LARP4: variants seen among roughly 807,000 people sequenced by gnomAD.
LARP4 encodes la-related protein 4.
A neutral mutation model predicts 92.9 loss-of-function variants in LARP4; 29 were observed. The observed-to-expected ratio is 0.31, with a 90% confidence interval of 0.23 to 0.43. LARP4 has a LOEUF of 0.43. Among genes scored for constraint, LARP4 ranks in the 20% least tolerant of loss-of-function variants. The probability of loss-of-function intolerance (pLI) is 1.00; values close to 1 mark genes in which losing one functional copy is unlikely to be tolerated. For missense variants in LARP4, 732 were observed against 860.0 expected, an observed-to-expected ratio of 0.85 and a Z score of 1.86; for synonymous variants, 279 against 284.1, an observed-to-expected ratio of 0.98 and a Z score of 0.18.
intron 8 of LARP4, among the ~76,000 whole-genome samples, chr12:50,444,338 T>A (rs926737344): frequency 1.3e-5 from 2 of 152,214 alleles, no homozygotes; most frequent in African/African-American, 4.8e-5. Flanking sequence ...CTATTGCTTT[T>A]GCTGGGGGTC....
At chr12:50,406,538 T>A (rs1944876227) in intron 1 of LARP4, among the ~76,000 whole-genome samples, 1 of 152,178 alleles carries the variant, frequency 6.6e-6, no homozygotes, top group Admixed American at 6.6e-5. Flanking sequence ...TCTCACTGTG[T>A]TGTCCAGGCT....
At chr12:50,432,800 C>T (rs576693584) in intron 4 of LARP4, among the ~76,000 whole-genome samples, 2 of 142,334 alleles carry the variant, frequency 1.4e-5, no homozygotes, top group East Asian at 4.0e-4. Flanking sequence ...GTGGAGGTTG[C>T]AGTGAGCCGA....
rs1354972869 is a variant in LARP4 at position 50,479,300 on chromosome 12, AAAGAT to A, written c.*3439_*3443del. The A allele has an allele frequency of 6.6e-6, 1 of 152,626 alleles. No individual in the cohort carries two copies. The highest frequency in any genetic ancestry group is 1.5e-5 in the Non-Finnish European group (1 of 68,034). The allele number at this position is 152,626 out of a possible 1,614,324, so 9.5% of individuals were successfully genotyped here. A position where few individuals can be genotyped will look rare whatever the true frequency, so the allele number is the denominator to read the frequency against. ...AAAGTACCAATTTTGTTTTTACAGA[AAAGAT>A]AAAACTCAAAAGAGAACAGTGTATT... On this transcript the variant is annotated 3_prime_UTR_variant, in exon 16 of 16. Coordinates refer to ENST00000398473, the MANE Select transcript of LARP4 (RefSeq NM_052879.5).
intron 3 of LARP4, among the ~76,000 whole-genome samples, chr12:50,429,887 C>T (rs989099009): frequency 6.6e-6 from 1 of 152,076 alleles, no homozygotes; most frequent in Non-Finnish European, 1.5e-5. Context: ...AATCCACCTG[C>T]CTTTGGCCTC....
At position 50,441,606 on chromosome 12, in the gene LARP4, G is replaced by A. The variant is rs375893849; in HGVS notation, c.767G>A (p.Arg256Lys). Reference protein sequence around the residue: ...TDAQQAFKYLREEVKTFQGKP... With the variant: ...TDAQQAFKYLKEEVKTFQGKP... Reference sequence around the variant, plus strand: ...TGTTAACAGGCTTTTAAATACTTAAGAGAAGAAGTTAAAACATTTCAGGGC... The same window carrying A: ...TGTTAACAGGCTTTTAAATACTTAAAAGAAGAAGTTAAAACATTTCAGGGC... Residue 256 changes from arginine to lysine, a missense_variant, in exon 8 of 16, where the codon AGA becomes AAA. Arg to Lys is a conservative substitution (Grantham distance 26, BLOSUM62 2). Transcript: ENST00000398473. 7.5e-6 allele frequency: 12 copies of A among 1,598,030 alleles called. No individual in the cohort carries two copies. The highest frequency in any genetic ancestry group is 1.0e-5 in the Non-Finnish European group (12 of 1,174,358).
chr12:50,473,159 G>A (rs1471112465), intron 13 of LARP4, among the ~76,000 whole-genome samples: 2 of 152,076 alleles, frequency 1.3e-5, no homozygotes, highest in Non-Finnish European at 2.9e-5. Flanking sequence ...GCTTTCTAAA[G>A]CAGTGCATCA....
In LARP4 at chr12:50,410,360, G is replaced by GCCACAACACCCAGTCTGTTAGACGT. The variant is rs1222119521; in HGVS notation, c.18+9334_18+9358dup. 7.5e-4 allele frequency among the ~76,000 whole-genome samples: 113 copies of GCCACAACACCCAGTCTGTTAGACGT among 150,524 alleles called. 2 individuals are homozygous for GCCACAACACCCAGTCTGTTAGACGT. Among genetic ancestry groups the GCCACAACACCCAGTCTGTTAGACGT allele is most frequent in the African/African-American group, 2.7e-3 (110 of 40,862 alleles). On this transcript the variant is annotated intron_variant, in intron 1 of 15. Coordinates refer to ENST00000398473, the MANE Select transcript of LARP4 (RefSeq NM_052879.5). Reference sequence around the variant, plus strand: ...AGTGCTGCGATTACAGGTGTGAGGAGCCACAACACCCAGTCTGTTAGACGT... The same window carrying GCCACAACACCCAGTCTGTTAGACGT: ...AGTGCTGCGATTACAGGTGTGAGGAGCCACAACACCCAGTCTGTTAGACGTCCACAACACCCAGTCTGTTAGACGT...
intron 15 of LARP4, 91 bp downstream of exon 15, chr12:50,474,258 AT>A (rs1957297509): frequency 9.0e-6 from 9 of 999,834 alleles, no homozygotes; most frequent in Non-Finnish European, 1.3e-5. Flanking sequence ...GAACAGAGTC[AT>A]TTGGAAGTAG....
rs1950643380 is a variant in LARP4, at chr12:50,437,716, C to T, written c.536-19C>T. On this transcript the variant is annotated intron_variant, in intron 5 of 15. Transcript: ENST00000398473. ...ACTACTTGTCACGTTTGAGTGATAC[C>T]CTTTCTTTTAAATTTCAGCTTCTCC... is the stretch of plus-strand genomic sequence containing the variant. The T allele has an allele frequency of 1.4e-6, 2 of 1,411,392 alleles. No homozygotes were observed. Among genetic ancestry groups the T allele is most frequent in the African/African-American group, 2.8e-5 (2 of 70,602 alleles). The allele number at this position is 1,411,392 out of a possible 1,614,324, so 87.4% of individuals were successfully genotyped here.
chr12:50,440,486 C>T lies in LARP4; in HGVS notation c.687C>T (p.Ser229=), dbSNP rs1262198925. The T allele has an allele frequency of 6.2e-7, 1 of 1,613,874 alleles. No individual in the cohort carries two copies. Among genetic ancestry groups the T allele is most frequent in the Non-Finnish European group, 8.5e-7 (1 of 1,179,902 alleles). The part of the protein sequence containing the change: ...FKSENCPKVI[S]CEFAHNSNWY... ...GTGAAAACTGCCCCAAAGTGATAAG[C>T]TGTGAGTTTGCACACAATAGCAACT... The change falls in exon 7 of 16, where the codon AGC becomes AGT. Residue 229 remains serine, a synonymous_variant. Transcript: ENST00000398473.
chr12:50,457,093 G>A (rs572065037), intron 10 of LARP4, among the ~76,000 whole-genome samples: 36 of 152,072 alleles, frequency 2.4e-4, no homozygotes, highest in Admixed American at 1.7e-3. Flanking sequence ...TAGTAGAGAC[G>A]GGGTTTCATC....
chr12:50,405,423 AT>A (rs757585894), intron 1 of LARP4, among the ~76,000 whole-genome samples: 28 of 149,656 alleles, frequency 1.9e-4, no homozygotes, highest in African/African-American at 6.1e-4. Context: ...ATTTAAAAAA[AT>A]TTTTTCATTT....
chr12:50,444,027 T>C (rs971553659), intron 8 of LARP4, among the ~76,000 whole-genome samples: 1 of 152,198 alleles, frequency 6.6e-6, no homozygotes, highest in Admixed American at 6.6e-5. Context: ...ATCATTACAT[T>C]TTCAAACAAT....
intron 1 of LARP4, among the ~76,000 whole-genome samples, chr12:50,417,042 G>T (rs1394064167): frequency 6.6e-6 from 1 of 152,180 alleles, no homozygotes; most frequent in Non-Finnish European, 1.5e-5. Flanking sequence ...AAACTTTGAT[G>T]AGATACTTTT....
intron 8 of LARP4, among the ~76,000 whole-genome samples, chr12:50,448,784 C>T (rs1288595461): frequency 6.6e-6 from 1 of 152,136 alleles, no homozygotes; most frequent in Non-Finnish European, 1.5e-5. Context: ...CTTGGCCTCA[C>T]AAAGTTCTGG....
At chr12:50,406,199 G>A (rs777701774) in intron 1 of LARP4, among the ~76,000 whole-genome samples, 17 of 152,098 alleles carry the variant, frequency 1.1e-4, no homozygotes, top group Non-Finnish European at 2.2e-4. Context: ...GTTGGGTAAC[G>A]TGTCTCATGC....
At chr12:50,411,676 G>C (rs1187413929) in intron 1 of LARP4, among the ~76,000 whole-genome samples, 1 of 149,546 alleles carries the variant, frequency 6.7e-6, no homozygotes, top group Non-Finnish European at 1.5e-5. Context: ...ATTCATTTTT[G>C]TTTTTTCTTT....
At chr12:50,449,136 G>A (rs900621300) in intron 8 of LARP4, among the ~76,000 whole-genome samples, 1 of 152,082 alleles carries the variant, frequency 6.6e-6, no homozygotes, top group Admixed American at 6.6e-5. Context: ...CCAGCTACTC[G>A]GGAGGCTGAG....
At chr12:50,434,439 A>G (rs1318104137) in intron 4 of LARP4, among the ~76,000 whole-genome samples, 3 of 142,518 alleles carry the variant, frequency 2.1e-5, no homozygotes, top group East Asian at 2.1e-4. Context: ...ATGTTTTGAG[A>G]TGGAGTTTCG....
Sources: allele counts gnomAD v4.1 joint callset (sites outside exome capture counted in the v4.1 genomes callset), GRCh38; gene constraint gnomAD v4.1.1; transcripts MANE v1.5; gene names NCBI Gene and HGNC (gene_info 2026-07-23, HGNC 2026-07-21).